The following INPP4B variants were observed in gnomAD, a reference collection of about 807,000 sequenced individuals.
INPP4B encodes inositol polyphosphate-4-phosphatase type II B.
Under a neutral mutation model 122.5 loss-of-function variants are expected in INPP4B, and 55 were observed. The ratio of observed to expected loss-of-function variants is 0.45; its 90% CI spans 0.36 to 0.56. INPP4B has a LOEUF of 0.56. INPP4B is among the 20% of genes least tolerant of loss of function. The pLI, the probability that INPP4B is intolerant of heterozygous loss-of-function variation, is 0.00. For synonymous variants in INPP4B, 403 were observed against 388.7 expected (o/e 1.04, Z -0.43); for missense variants, 1,000 against 1,097.7 (o/e 0.91, Z 1.26).
chr4:142,453,186 A>C (rs953055006), intron 3 of INPP4B, among the ~76,000 whole-genome samples: 5 of 152,128 alleles, frequency 3.3e-5, no homozygotes, highest in Admixed American at 2.0e-4. Context: ...AAAGTAGAGG[A>C]CTCTAAAGAA....
At chr4:142,393,450 C>G (rs950139079) in intron 7 of INPP4B, among the ~76,000 whole-genome samples, 3 of 152,224 alleles carry the variant, frequency 2.0e-5, no homozygotes, top group Admixed American at 1.3e-4. Context: ...ACCCTCTATT[C>G]AAGTCCTTGC....
intron 1 of INPP4B, among the ~76,000 whole-genome samples, chr4:142,806,139 C>T (rs2151103708): frequency 6.6e-6 from 1 of 151,824 alleles, no homozygotes; most frequent in Non-Finnish European, 1.5e-5. Flanking sequence ...ATAAGCCGGG[C>T]ATGGTGGCGG....
At chr4:142,236,809 A>G (rs112187378) in intron 12 of INPP4B, among the ~76,000 whole-genome samples, 7 of 152,294 alleles carry the variant, frequency 4.6e-5, no homozygotes, top group African/African-American at 1.7e-4. Context: ...CGACCAAAAG[A>G]GTAAAATACT....
At chr4:142,125,614 T>C (rs917954352) in intron 18 of INPP4B, among the ~76,000 whole-genome samples, 10 of 152,138 alleles carry the variant, frequency 6.6e-5, no homozygotes, top group Non-Finnish European at 1.5e-4. Context: ...GCTTTATCTC[T>C]TCTGCAAACT....
intron 11 of INPP4B, among the ~76,000 whole-genome samples, chr4:142,245,710 G>A (rs896814486): frequency 6.6e-6 from 1 of 151,490 alleles, no homozygotes; most frequent in Admixed American, 6.6e-5. Context: ...AAGATCAGAT[G>A]GTTCTAGATG....
chr4:142,670,176 G>T (rs548080122), intron 2 of INPP4B, among the ~76,000 whole-genome samples: 1 of 152,256 alleles, frequency 6.6e-6, no homozygotes, highest in African/African-American at 2.4e-5. Context: ...CATAGTATGT[G>T]TAGGGTTTGG....
At chr4:142,293,880 T>A (rs1757466308) in intron 9 of INPP4B, among the ~76,000 whole-genome samples, 1 of 152,220 alleles carries the variant, frequency 6.6e-6, no homozygotes, top group Non-Finnish European at 1.5e-5. Flanking sequence ...ACTGACAATA[T>A]CTTTTGCAGC....
chr4:142,512,079 G>T (rs1184822436), intron 2 of INPP4B, among the ~76,000 whole-genome samples: 1 of 152,080 alleles, frequency 6.6e-6, no homozygotes, highest in Non-Finnish European at 1.5e-5. Flanking sequence ...GTGAAATAAA[G>T]AAATCAGTCA....
At chr4:142,072,512 C>G (rs371454806) in intron 25 of INPP4B, among the ~76,000 whole-genome samples, 1 of 146,812 alleles carries the variant, frequency 6.8e-6, no homozygotes, top group East Asian at 2.0e-4. Flanking sequence ...AGAACCAATG[C>G]AACAGATGAT....
chr4:142,163,536 G>A (rs1162564050), intron 16 of INPP4B, among the ~76,000 whole-genome samples: 3 of 151,844 alleles, frequency 2.0e-5, no homozygotes, highest in Non-Finnish European at 4.4e-5. Flanking sequence ...TACAGTACAA[G>A]AAGATATTTT....
At chr4:142,123,447 A>G in intron 19 of INPP4B, 32 bp from the exon 20 acceptor site, 1 of 1,600,904 alleles carries the variant, frequency 6.2e-7, no homozygotes. Context: ...GATTTACTGC[A>G]GTTAGCAAAC....
chr4:142,242,832 T>C (rs1860162072), intron 11 of INPP4B, among the ~76,000 whole-genome samples: 1 of 152,198 alleles, frequency 6.6e-6, no homozygotes, highest in African/African-American at 2.4e-5. Flanking sequence ...TGTACTACAG[T>C]AGTCTGTTTA....
chr4:142,564,683 G>A (rs775188266), intron 2 of INPP4B, among the ~76,000 whole-genome samples: 2 of 151,892 alleles, frequency 1.3e-5, no homozygotes, highest in Non-Finnish European at 2.9e-5. Context: ...CCCAGACTTT[G>A]GGCTTTAAAT....
At chr4:142,285,656 A>T (rs1753314612) in intron 9 of INPP4B, among the ~76,000 whole-genome samples, 1 of 152,086 alleles carries the variant, frequency 6.6e-6, no homozygotes, top group East Asian at 1.9e-4. Context: ...AGGAGAGGTC[A>T]CTGGGCTGAG....
intron 1 of INPP4B, among the ~76,000 whole-genome samples, chr4:142,815,613 T>C (rs1561101525): frequency 1.3e-5 from 2 of 152,270 alleles, no homozygotes; most frequent in Non-Finnish European, 1.5e-5. Flanking sequence ...CCTGAAACTA[T>C]GTCTTTCTGC....
At chr4:142,464,252 T>C (rs548795926) in intron 2 of INPP4B, among the ~76,000 whole-genome samples, 1 of 152,166 alleles carries the variant, frequency 6.6e-6, no homozygotes, top group Non-Finnish European at 1.5e-5. Context: ...AGGAATAGTT[T>C]TCAAATTGTA....
chr4:142,142,148 C>A (rs1808184837), intron 18 of INPP4B, among the ~76,000 whole-genome samples: 1 of 151,938 alleles, frequency 6.6e-6, no homozygotes, highest in Non-Finnish European at 1.5e-5. Flanking sequence ...CTAATCAATT[C>A]ACTAATTAAT....
chr4:142,136,052 C>T (rs1336993086), intron 18 of INPP4B, among the ~76,000 whole-genome samples: 1 of 152,152 alleles, frequency 6.6e-6, no homozygotes, highest in Non-Finnish European at 1.5e-5. Context: ...CTACCTTGGC[C>T]TCCCAAAGTG....
chr4:142,436,427 G>T (rs1213360234), intron 3 of INPP4B, among the ~76,000 whole-genome samples: 3 of 152,104 alleles, frequency 2.0e-5, no homozygotes, highest in Admixed American at 2.0e-4. Context: ...TGTTAAATGG[G>T]TCCTGCTTCC....
Sources: allele counts gnomAD v4.1 joint callset (sites outside exome capture counted in the v4.1 genomes callset), GRCh38; gene constraint gnomAD v4.1.1; transcripts MANE v1.5; gene names NCBI Gene and HGNC (gene_info 2026-07-23, HGNC 2026-07-21).